Variants in LRPPRC observed in about 807,000 individuals in gnomAD.
LRPPRC encodes the protein leucine rich pentatricopeptide repeat containing.
Under a neutral mutation model 180.3 loss-of-function variants are expected in LRPPRC, and 120 were observed. The observed-to-expected ratio is 0.67, with a 90% CI of 0.57 to 0.77. The LOEUF (loss-of-function observed/expected upper bound fraction) is 0.77. Ranked by LOEUF, LRPPRC falls within the 30% of genes least tolerant of loss-of-function variation. The pLI is 0.00. For missense variants in LRPPRC, 2,012 were observed against 1,657.2 expected (o/e 1.21, Z -3.72); for synonymous variants, 723 against 600.0 (o/e 1.21, Z -3.00).
chr2:43,923,682 C>T (rs1325088222), intron 27 of LRPPRC, among the ~76,000 whole-genome samples: 6 of 151,774 alleles, frequency 4.0e-5, no homozygotes, highest in African/African-American at 1.2e-4. Flanking sequence ...CAATGTCTAG[C>T]ACACAGTAAG....
intron 12 of LRPPRC, 69 bp downstream of exon 12, chr2:43,963,519 T>G: frequency 1.0e-6 from 1 of 969,620 alleles, no homozygotes; most frequent in Non-Finnish European, 1.7e-6. Context: ...TTTTTGTGTG[T>G]CAACACTAAA....
At position 43,950,500 on chromosome 2, in the gene LRPPRC, T is replaced by A. The variant is rs1672856898; in HGVS notation, c.1677+73A>T. ...CCAAATATAGGTTTCATGATAAAAA[T>A]TATTACATAACCTATGGTATTGGCT... On this transcript the variant is annotated intron_variant, in intron 15 of 37. Transcript: ENST00000260665. The A allele has an allele frequency of 9.1e-6, 12 of 1,322,232 alleles. No individual in the cohort carries two copies. The Admixed American group carries it at 2.1e-4, about 23-fold the overall frequency. 81.9% of individuals were successfully genotyped at this position (1,322,232 alleles called of 1,614,324 possible).
intron 27 of LRPPRC, among the ~76,000 whole-genome samples, chr2:43,923,702 G>GTT (rs796502073): frequency 2.1e-4 from 29 of 137,546 alleles, no homozygotes; most frequent in Admixed American, 3.6e-4. Flanking sequence ...GGGCTTCATA[G>GTT]TTTTTTTTTT....
At chr2:43,897,170 A>G (rs1206705928) in intron 34 of LRPPRC, among the ~76,000 whole-genome samples, 1 of 152,202 alleles carries the variant, frequency 6.6e-6, no homozygotes, top group African/African-American at 2.4e-5. Flanking sequence ...TTAAAGTATA[A>G]TTACCTACAC....
intron 17 of LRPPRC, 21 bp downstream of exon 17, chr2:43,948,391 T>C: frequency 2.0e-6 from 3 of 1,471,496 alleles, no homozygotes; most frequent in Non-Finnish European, 1.9e-6. Context: ...AGGCATTATA[T>C]AGCAAAAAAC....
intron 1 of LRPPRC, among the ~76,000 whole-genome samples, chr2:43,989,712 G>T (rs1674686236): frequency 6.6e-6 from 1 of 152,176 alleles, no homozygotes; most frequent in African/African-American, 2.4e-5. Flanking sequence ...AAAATGACAA[G>T]ATCAAATGTG....
intron 27 of LRPPRC, among the ~76,000 whole-genome samples, chr2:43,924,717 TG>T (rs1671815536): frequency 6.6e-6 from 1 of 152,216 alleles, no homozygotes; most frequent in Non-Finnish European, 1.5e-5. Context: ...AATGTGTTGG[TG>T]GTTACCTATT....
Position 43,899,564 on chromosome 2 carries a change from A to G in LRPPRC, c.3611T>C (p.Leu1204Pro). The change falls in exon 33 of 38, where the codon CTT becomes CCT. Residue 1204 changes from leucine (L) to proline (P), a missense_variant. Leu to Pro is a moderately conservative substitution (Grantham distance 98). Coordinates refer to ENST00000260665, the MANE Select transcript of LRPPRC (RefSeq NM_133259.4). The part of the protein sequence containing the change: ...DAAIENIENM[L>P]TSENKVIEPQ... ...TTCAATGACTTTATTCTCTGAAGTA[A>G]GCATATTTTCAATGTTTTCTATTGC... 1 of 1,610,564 alleles carries G rather than the reference A, an allele frequency of 6.2e-7. No homozygotes were observed. Among genetic ancestry groups the G allele is most frequent in the Non-Finnish European group, 8.5e-7 (1 of 1,176,770 alleles).
At chr2:43,979,235 C>T (rs1674194421) in intron 3 of LRPPRC, among the ~76,000 whole-genome samples, 1 of 152,064 alleles carries the variant, frequency 6.6e-6, no homozygotes, top group Admixed American at 6.5e-5. Flanking sequence ...ATATTGTATA[C>T]ACATGCACGT....
chr2:43,895,610 T>C (rs1250461108), intron 35 of LRPPRC, among the ~76,000 whole-genome samples: 1 of 152,202 alleles, frequency 6.6e-6, no homozygotes, highest in East Asian at 1.9e-4. Flanking sequence ...TAAAAGTTGT[T>C]GGTAGTAAAT....
intron 36 of LRPPRC, chr2:43,890,224 A>C (rs1670438013): frequency 2.4e-6 from 1 of 413,298 alleles, no homozygotes. Flanking sequence ...AATACACACC[A>C]TTCAATCCCC....
At chr2:43,900,737 G>A (rs1670852417) in intron 32 of LRPPRC, among the ~76,000 whole-genome samples, 3 of 152,130 alleles carry the variant, frequency 2.0e-5, no homozygotes, top group Non-Finnish European at 1.5e-5. Context: ...AAAGCATACT[G>A]AAAGTATCAA....
chr2:43,953,131 C>G (rs1253018063), intron 14 of LRPPRC, among the ~76,000 whole-genome samples: 3 of 152,186 alleles, frequency 2.0e-5, no homozygotes, highest in Non-Finnish European at 4.4e-5. Flanking sequence ...ACTCAATATG[C>G]CTCTCAGCAA....
chr2:43,994,993 C>T (rs1448745388), intron 1 of LRPPRC, among the ~76,000 whole-genome samples: 3 of 152,230 alleles, frequency 2.0e-5, no homozygotes, highest in Non-Finnish European at 4.4e-5. Context: ...GTAATCCCAG[C>T]ACTTTGGGAG....
Position 43,896,661 on chromosome 2 carries a change from G to C in LRPPRC, c.3873C>G (p.Leu1291=). 1.2e-6 allele frequency: 2 copies of C among 1,612,122 alleles called. No individual in the cohort carries two copies. Residue 1291 remains leucine (L), a synonymous_variant, in exon 35 of 38, where the codon CTC becomes CTG. Coordinates refer to ENST00000260665, the MANE Select transcript of LRPPRC (RefSeq NM_133259.4). ...TTCCTTGTTTCCTAGAATTCCTAAG[G>C]AGGAACAACAACAAAATCGGGGTTT... ...AEQTPILLLF[L]LRNSRKQGKA...
chr2:43,915,053 CAAAAAAAAAAAA>C (rs71393213), intron 29 of LRPPRC, among the ~76,000 whole-genome samples: 11 of 96,894 alleles, frequency 1.1e-4, no homozygotes, highest in South Asian at 3.5e-4. Flanking sequence ...ACTAAAAATA[CAAAAAAAAAAAA>C]AAAAAAAAAA....
chr2:43,934,589 A>G (rs1286702975), intron 24 of LRPPRC, among the ~76,000 whole-genome samples, 165 bp downstream of exon 24: 1 of 152,072 alleles, frequency 6.6e-6, no homozygotes, highest in Non-Finnish European at 1.5e-5. Flanking sequence ...AAGAACATGT[A>G]TAATATTGGA....
rs1671241543 is a variant in LRPPRC at position 43,911,166 on chromosome 2, AT to A, written c.3275+1265del. Among the ~76,000 whole-genome samples, 4 of 151,234 alleles carry A rather than the reference AT, an allele frequency of 2.6e-5. No homozygotes were observed. The South Asian group carries it at 6.2e-4, about 24-fold the overall frequency. ...GTGTTCTAGATATATATATATATAT[AT>A]ATAAAATTTGATTAGGAATTGAGAA... On this transcript the variant is annotated intron_variant, in intron 30 of 37. Coordinates refer to ENST00000260665, the MANE Select transcript of LRPPRC (RefSeq NM_133259.4).
chr2:43,926,498 G>A lies in LRPPRC; in HGVS notation c.2737-537C>T, dbSNP rs535566279. Among the ~76,000 whole-genome samples, 24 of 152,222 alleles carry A rather than the reference G, an allele frequency of 1.6e-4. No homozygotes were observed. The East Asian group carries it at 4.6e-3, about 29-fold the overall frequency. On this transcript the variant is annotated intron_variant, in intron 25 of 37. Coordinates refer to ENST00000260665, the MANE Select transcript of LRPPRC (RefSeq NM_133259.4). ...TTCTCCTGCCTCAGCCTCCCAAGTA[G>A]TTAGGATTACAGGTGTGTGCCACCA...
Sources: gnomAD v4.1 joint callset for allele counts (sites outside exome capture counted in the v4.1 genomes callset) on GRCh38, gnomAD v4.1.1 for gene constraint, MANE v1.5 for transcripts, NCBI Gene and HGNC (gene_info 2026-07-23, HGNC 2026-07-21) for gene names.